Variants in CCDC7 observed in about 807,000 individuals in gnomAD.
CCDC7 encodes the protein coiled-coil domain-containing protein 7.
A neutral mutation model predicts 196.9 loss-of-function variants in CCDC7; 183 were observed. That is an observed-to-expected ratio of 0.93 (90% CI 0.82 to 1.05). CCDC7 has a LOEUF of 1.05. Ranked by LOEUF, CCDC7 falls within the 50% of genes least tolerant of loss-of-function variation. CCDC7 has a pLI of 0.00. For synonymous variants in CCDC7, 525 were observed against 484.6 expected, an observed-to-expected ratio of 1.08 and a Z score of -1.10; for missense variants, 1,540 against 1,482.2, an observed-to-expected ratio of 1.04 and a Z score of -0.64.
chr10:32,676,072 A>G (rs2074916046), intron 21 of CCDC7, among the ~76,000 whole-genome samples: 1 of 151,594 alleles, frequency 6.6e-6, no homozygotes, highest in African/African-American at 2.4e-5. Flanking sequence ...GCCCTCAGAA[A>G]TAACGCCACA....
At chr10:32,633,728 GTGTA>G (rs1391940642) in intron 18 of CCDC7, among the ~76,000 whole-genome samples, 2 of 138,856 alleles carry the variant, frequency 1.4e-5, no homozygotes, top group Admixed American at 7.5e-5. Flanking sequence ...GTGTGTGTGT[GTGTA>G]TATATATGTG....
chr10:32,715,363 A>T (rs1014836325), intron 25 of CCDC7, among the ~76,000 whole-genome samples: 7 of 152,184 alleles, frequency 4.6e-5, no homozygotes, highest in Non-Finnish European at 1.0e-4. Flanking sequence ...ACATCAACAA[A>T]AAGGAAACCC....
rs564551547 is a variant in CCDC7 at position 32,636,711 on chromosome 10, G to T, written c.2014+1553G>T. Among the ~76,000 whole-genome samples the T allele has an allele frequency of 3.5e-4, 54 of 152,170 alleles. No homozygotes were observed. In the East Asian group the frequency reaches 8.1e-3, roughly 23 times the overall value. ...CATATGTGTGCATGTGTCTTTATAGGAGCATGTTTTATAATCCTTTGGGTA... is the reference window on the plus strand; with the variant it reads ...CATATGTGTGCATGTGTCTTTATAGTAGCATGTTTTATAATCCTTTGGGTA... On this transcript the variant is annotated intron_variant, in intron 20 of 41. Coordinates refer to ENST00000639629, the Ensembl canonical transcript of CCDC7.
At chr10:32,759,750 T>G in intron 28 of CCDC7, among the ~76,000 whole-genome samples, 1 of 152,176 alleles carries the variant, frequency 6.6e-6, no homozygotes, top group Non-Finnish European at 1.5e-5. Flanking sequence ...AAATGGGATC[T>G]AATTAAACTG....
chr10:32,686,404 G>C (rs962939593), intron 22 of CCDC7, among the ~76,000 whole-genome samples: 1 of 152,166 alleles, frequency 6.6e-6, no homozygotes, highest in Non-Finnish European at 1.5e-5. Flanking sequence ...TTATTCCACT[G>C]ACCTGTTCAG....
intron 28 of CCDC7, among the ~76,000 whole-genome samples, chr10:32,771,764 G>A (rs2079199593): frequency 6.6e-6 from 1 of 152,210 alleles, no homozygotes; most frequent in Non-Finnish European, 1.5e-5. Flanking sequence ...CCAGTTAAGA[G>A]TAGTAATGAA....
chr10:32,731,821 A>G (rs917274594), intron 28 of CCDC7, among the ~76,000 whole-genome samples: 4 of 152,220 alleles, frequency 2.6e-5, no homozygotes, highest in African/African-American at 9.6e-5. Flanking sequence ...TGGGAAGCCA[A>G]GGCGGGCTGA....
At chr10:32,520,481 G>A (rs2047718024) in intron 11 of CCDC7, among the ~76,000 whole-genome samples, 1 of 151,912 alleles carries the variant, frequency 6.6e-6, no homozygotes, top group Non-Finnish European at 1.5e-5. Context: ...GATGTTGAGG[G>A]CCTTTTTATA....
At chr10:32,756,452 T>C (rs2076458452) in intron 28 of CCDC7, among the ~76,000 whole-genome samples, 1 of 152,176 alleles carries the variant, frequency 6.6e-6, no homozygotes, top group South Asian at 2.1e-4. Flanking sequence ...GGGCCAATAT[T>C]CAACATTCTT....
upstream of CCDC7, chr10:32,451,596 G>T: frequency 1.3e-6 from 2 of 1,526,350 alleles, no homozygotes; most frequent in South Asian, 2.7e-5. Context: ...TCACAGGGAG[G>T]AATAAGTTTT....
intron 24 of CCDC7, among the ~76,000 whole-genome samples, chr10:32,699,481 C>A (rs1396714449): frequency 6.7e-6 from 1 of 149,454 alleles, no homozygotes; most frequent in East Asian, 1.9e-4. Context: ...GGTTCCAAGT[C>A]TTTGCTATTG....
chr10:32,465,330 T>G (rs538783473), intron 5 of CCDC7, among the ~76,000 whole-genome samples: 10 of 152,170 alleles, frequency 6.6e-5, no homozygotes, highest in Admixed American at 6.5e-5. Flanking sequence ...CACTATGCTC[T>G]TACTTCCCAA....
intron 21 of CCDC7, among the ~76,000 whole-genome samples, chr10:32,665,462 A>G (rs1310549493): frequency 1.3e-5 from 2 of 151,988 alleles, no homozygotes; most frequent in African/African-American, 4.8e-5. Flanking sequence ...TGTGTCCTTA[A>G]TCCAATTTGA....
At chr10:32,460,894 G>T (rs1371593087) in intron 3 of CCDC7, among the ~76,000 whole-genome samples, 1 of 152,102 alleles carries the variant, frequency 6.6e-6, no homozygotes, top group African/African-American at 2.4e-5. Flanking sequence ...GCTTGTAGGT[G>T]GTGCTGATGC....
intron 16 of CCDC7, among the ~76,000 whole-genome samples, chr10:32,582,125 T>TATATATATATATATATATAG (rs2058793471): frequency 1.0e-5 from 1 of 97,040 alleles, no homozygotes; most frequent in Non-Finnish European, 2.1e-5. Context: ...TATATATATA[T>TATATATATATATATATATAG]ATATATATAT....
intron 11 of CCDC7, among the ~76,000 whole-genome samples, chr10:32,543,099 A>G (rs1264979454): frequency 1.3e-5 from 2 of 152,220 alleles, no homozygotes; most frequent in East Asian, 3.8e-4. Context: ...ATTAGGTTAT[A>G]TACAACTTAC....
At chr10:32,443,702 T>G (rs1046455632), upstream of CCDC7, among the ~76,000 whole-genome samples, 2 of 152,226 alleles carry the variant, frequency 1.3e-5, no homozygotes, top group Non-Finnish European at 2.9e-5. Context: ...TACTATAACT[T>G]TATAACTCTT....
intron 29 of CCDC7, among the ~76,000 whole-genome samples, chr10:32,796,718 TC>T (rs1215281262): frequency 1.3e-5 from 2 of 152,170 alleles, no homozygotes; most frequent in Non-Finnish European, 2.9e-5. Flanking sequence ...GATATCTATT[TC>T]CCAGAATTCA....
intron 28 of CCDC7, among the ~76,000 whole-genome samples, chr10:32,775,719 T>C (rs73255965): frequency 0.053 from 8,067 of 152,254 alleles, 710 homozygotes; most frequent in African/African-American, 0.18. Context: ...AGATAATTTT[T>C]TTGTAGTACT....
Sources: gnomAD v4.1 joint callset for allele counts (sites outside exome capture counted in the v4.1 genomes callset) on GRCh38, gnomAD v4.1.1 for gene constraint, MANE v1.5 for transcripts, NCBI Gene and HGNC (gene_info 2026-07-23, HGNC 2026-07-21) for gene names.